Variants in KNL1 observed in about 807,000 individuals in gnomAD.
KNL1 encodes the protein outer kinetochore KNL1 complex subunit KNL1.
In KNL1, 66 loss-of-function variants were observed where a neutral mutation model predicts 201.3. That is an observed-to-expected ratio of 0.33 (90% CI 0.27 to 0.40). The LOEUF is 0.40. KNL1 is among the 10% of genes least tolerant of loss of function. The pLI is 1.00. For synonymous variants in KNL1, 895 were observed against 899.2 expected (o/e 1.00, Z 0.08); for missense variants, 2,815 against 2,690.5 (o/e 1.05, Z -1.02).
intron 13 of KNL1, among the ~76,000 whole-genome samples, chr15:40,631,605 G>A (rs775086970): frequency 6.6e-6 from 1 of 152,006 alleles, no homozygotes; most frequent in Non-Finnish European, 1.5e-5. Context: ...ATGAGCCACC[G>A]TGCCCAGCCA....
At chr15:40,601,999 G>T (rs1595912634) in intron 1 of KNL1, among the ~76,000 whole-genome samples, 1 of 146,600 alleles carries the variant, frequency 6.8e-6, no homozygotes, top group South Asian at 2.2e-4. Flanking sequence ...ACGCCGCCAC[G>T]CCTGGCTAAT....
rs754024774 is a variant in KNL1, at chr15:40,645,637, C to T, written c.5890-19C>T. On this transcript the variant is annotated intron_variant, in intron 15 of 25. Transcript: ENST00000399668. ...CTCGTTTGTTTTAGTACAGTGTTCTCTATAACTTTCCCTTCCAGCTGAAGG... is the reference window on the plus strand; with the variant it reads ...CTCGTTTGTTTTAGTACAGTGTTCTTTATAACTTTCCCTTCCAGCTGAAGG... 17 of 1,417,100 alleles carry T rather than the reference C, an allele frequency of 1.2e-5. No individual in the cohort carries two copies. Among genetic ancestry groups the T allele is most frequent in the East Asian group, 2.3e-5 (1 of 43,676 alleles). 87.8% of individuals were successfully genotyped at this position (1,417,100 alleles called of 1,614,324 possible).
rs1201192477 is a variant in KNL1 at position 40,628,674 on chromosome 15, G to C, written c.5579G>C (p.Arg1860Thr). The change falls in exon 12 of 26, where the codon AGG (arginine) becomes ACG (threonine). Residue 1860 changes from arginine to threonine, a missense_variant. Around this residue, in one of 3 missense-constraint regions of KNL1, gnomAD observed 2,464 missense variants for 2,291.7 expected, o/e 1.08. Coordinates refer to ENST00000399668, the MANE Select transcript of KNL1 (RefSeq NM_144508.5). ...GATACTATTTGTGAAGAGAGCTTGA[G>C]GGAGGTATGTTAAAATTCTTTTTCT... ...LRDTICEESL[R>T]EKLQDGRITI... 4 of 1,575,154 alleles carry C rather than the reference G, an allele frequency of 2.5e-6. No homozygotes were observed. Among genetic ancestry groups the C allele is most frequent in the South Asian group, 2.4e-5 (2 of 85,076 alleles).
At chr15:40,651,652 A>G in intron 20 of KNL1, 80 bp downstream of exon 20, 1 of 953,522 alleles carries the variant, frequency 1.0e-6, no homozygotes, top group Non-Finnish European at 1.6e-6. Context: ...CAATTGATGT[A>G]TTTTTAATGT....
rs1436193200 is a variant in KNL1, at chr15:40,659,321, G to A, written c.6714-18G>A. On this transcript the variant is annotated intron_variant, in intron 24 of 25. Coordinates refer to ENST00000399668, the MANE Select transcript of KNL1 (RefSeq NM_144508.5). Reference sequence around the variant, plus strand: ...TATTATTTGTTGCATTTTTAATTGTGGATCTTGTCTTTTACAGATTGAGAC... The same window carrying A: ...TATTATTTGTTGCATTTTTAATTGTAGATCTTGTCTTTTACAGATTGAGAC... The A allele has an allele frequency of 6.3e-7, 1 of 1,585,922 alleles. No homozygotes were observed. Among genetic ancestry groups the A allele is most frequent in the Non-Finnish European group, 8.6e-7 (1 of 1,167,046 alleles).
rs772332570 is a variant in KNL1 at position 40,623,823 on chromosome 15, C to T, written c.3559C>T (p.Pro1187Ser). The change falls in exon 10 of 26, where the codon CCT becomes TCT. Residue 1187 changes from proline (P) to serine (S), a missense_variant. Transcript: ENST00000399668. ...QATEKILEEN[P>S]KFGIGKGKNL... The stretch of plus-strand genomic sequence containing the variant: ...CACAGAGAAAATACTTGAAGAAAAC[C>T]CTAAATTTGGAATAGGAAAAGGAAA... 2.0e-5 allele frequency: 33 copies of T among 1,613,140 alleles called. 1 individual carries two copies. The East Asian group carries it at 6.9e-4, about 34-fold the overall frequency.
Position 40,621,924 on chromosome 15 carries a change from C to A in KNL1, c.1660C>A (p.Pro554Thr). The A allele has an allele frequency of 6.2e-7, 1 of 1,613,584 alleles. No individual in the cohort carries two copies. Among genetic ancestry groups the A allele is most frequent in the Non-Finnish European group, 8.5e-7 (1 of 1,179,658 alleles). Residue 554 changes from proline to threonine, a missense_variant, in exon 10 of 26, where the codon CCT becomes ACT. Around this residue, in one of 3 missense-constraint regions of KNL1, gnomAD observed 2,464 missense variants for 2,291.7 expected, o/e 1.08. Coordinates refer to ENST00000399668, the MANE Select transcript of KNL1 (RefSeq NM_144508.5). Reference protein sequence around the residue: ...KERIQQSLSNPLSISLTDRKT... With the variant: ...KERIQQSLSNTLSISLTDRKT... ...AAGAATACAGCAGAGCCTGTCAAAT[C>A]CTTTGTCTATTTCATTGACTGATAG...
chr15:40,624,469 A>G lies in KNL1; in HGVS notation c.4205A>G (p.Gln1402Arg), dbSNP rs1892667437. 1.2e-6 allele frequency: 2 copies of G among 1,613,746 alleles called. No individual in the cohort carries two copies. The highest frequency in any genetic ancestry group is 8.5e-7 in the Non-Finnish European group (1 of 1,179,900). ...IKDPRNLLAN[Q>R]TLVYSQDLGE... Reference sequence around the variant, plus strand: ...GATCCACGAAATCTATTGGCTAATCAAACTTTAGTATATAGTCAAGATCTG... The same window carrying G: ...GATCCACGAAATCTATTGGCTAATCGAACTTTAGTATATAGTCAAGATCTG... The change falls in exon 10 of 26, where the codon CAA becomes CGA. Residue 1402 changes from glutamine (Q) to arginine (R), a missense_variant. This residue lies in a region of KNL1 where 2,464 missense variants were observed against 2,291.7 expected (regional missense o/e 1.08). Coordinates refer to ENST00000399668, the MANE Select transcript of KNL1 (RefSeq NM_144508.5).
In KNL1 at chr15:40,647,033, T is replaced by C. The variant is rs1270672374; in HGVS notation, c.6053T>C (p.Ile2018Thr). ...ATAAAGATAGATGAGATGGATAAAA[T>C]ACTTAAGAAGATCGATAACTGCCTC... ...LQIKIDEMDK[I>T]LKKIDNCLTE... The change falls in exon 17 of 26, where the codon ATA (isoleucine) becomes ACA (threonine). Residue 2018 changes from isoleucine to threonine, a missense_variant. Physicochemically the swap from Ile to Thr is moderately conservative, Grantham distance 89. This residue lies in a region of KNL1 where 334 missense variants were observed against 362.6 expected (regional missense o/e 0.92). Transcript: ENST00000399668. The C allele has an allele frequency of 1.9e-6, 3 of 1,538,588 alleles. No homozygotes were observed. The African/African-American group carries it at 4.1e-5, about 21-fold the overall frequency.
intron 1 of KNL1, among the ~76,000 whole-genome samples, chr15:40,595,823 G>A (rs1378423627): frequency 6.6e-6 from 1 of 152,022 alleles, no homozygotes; most frequent in African/African-American, 2.4e-5. Context: ...ATATTGGACA[G>A]CACAGGTCTA....
chr15:40,660,463 A>G (rs989670839), intron 25 of KNL1, among the ~76,000 whole-genome samples: 2 of 151,484 alleles, frequency 1.3e-5, no homozygotes, highest in Admixed American at 1.3e-4. Flanking sequence ...TCAGGAGTTC[A>G]AGACCAGCCT....
Position 40,624,813 on chromosome 15 carries a change from A to G in KNL1, c.4549A>G (p.Asn1517Asp). 1 of 1,613,588 alleles carries G rather than the reference A, an allele frequency of 6.2e-7. No homozygotes were observed. Among genetic ancestry groups the G allele is most frequent in the Middle Eastern group, 1.7e-4 (1 of 6,060 alleles). The change falls in exon 10 of 26, where the codon AAT becomes GAT. Residue 1517 changes from asparagine (N) to aspartate (D), a missense_variant. Physicochemically the swap from Asn to Asp is conservative, Grantham distance 23. Coordinates refer to ENST00000399668, the MANE Select transcript of KNL1 (RefSeq NM_144508.5). The part of the protein sequence containing the change: ...LKENIQTTNY[N>D]TALDFHSNSD... ...GGAAAATATTCAAACAACTAACTAT[A>G]ATACAGCTCTAGATTTCCACAGTAA...
At chr15:40,644,246 G>C (rs544448300) in intron 14 of KNL1, among the ~76,000 whole-genome samples, 3 of 152,188 alleles carry the variant, frequency 2.0e-5, no homozygotes, top group Non-Finnish European at 4.4e-5. Flanking sequence ...TTTAAGAGAA[G>C]GTATGGTGAC....
chr15:40,659,098 C>G (rs146647908), intron 24 of KNL1, among the ~76,000 whole-genome samples: 1 of 151,784 alleles, frequency 6.6e-6, no homozygotes. Flanking sequence ...GCCACATTGG[C>G]GAAACCCTGT....
chr15:40,655,008 T>C (rs1300603643), intron 22 of KNL1, 31 bp downstream of exon 22: 2 of 1,562,414 alleles, frequency 1.3e-6, no homozygotes, highest in South Asian at 1.1e-5. Flanking sequence ...CCTCTAAAAA[T>C]TTGTTGGGGC....
intron 1 of KNL1, among the ~76,000 whole-genome samples, chr15:40,601,167 G>A (rs912987021): frequency 1.3e-5 from 2 of 152,118 alleles, no homozygotes; most frequent in East Asian, 1.9e-4. Flanking sequence ...TGATTCTCAC[G>A]GGAGCACAAA....
chr15:40,639,280 C>T (rs1444083222), intron 13 of KNL1, among the ~76,000 whole-genome samples: 1 of 150,502 alleles, frequency 6.6e-6, no homozygotes, highest in East Asian at 2.0e-4. Context: ...GTAGCAAAAC[C>T]CCATAACTAA....
At chr15:40,643,980 G>C (rs1349925187) in intron 14 of KNL1, among the ~76,000 whole-genome samples, 1 of 152,192 alleles carries the variant, frequency 6.6e-6, no homozygotes, top group African/African-American at 2.4e-5. Context: ...CTCCACACTT[G>C]TGGGTATTTC....
At chr15:40,604,366 A>G (rs1891906842) in intron 2 of KNL1, among the ~76,000 whole-genome samples, 1 of 152,148 alleles carries the variant, frequency 6.6e-6, no homozygotes, top group Admixed American at 6.6e-5. Context: ...TTTGGCTTAT[A>G]CATAGTATTT....
Sources: gnomAD v4.1 joint callset for allele counts (sites outside exome capture counted in the v4.1 genomes callset) on GRCh38, gnomAD v4.1.1 for gene constraint, gnomAD v4.1.1 regional missense constraint, MANE v1.5 for transcripts, NCBI Gene and HGNC (gene_info 2026-07-23, HGNC 2026-07-21) for gene names.